Variants in PPP1R12C observed in about 807,000 individuals in gnomAD.
PPP1R12C encodes the protein leukocyte receptor cluster (LRC) encoded novel gene 3.
In PPP1R12C, 48 loss-of-function variants were observed where a neutral mutation model predicts 95.6. The ratio of observed to expected loss-of-function variants is 0.50; its 90% CI spans 0.40 to 0.64. The LOEUF (loss-of-function observed/expected upper bound fraction) is 0.64. PPP1R12C is among the 30% of genes least tolerant of loss of function. PPP1R12C has a pLI of 0.00. For missense variants in PPP1R12C, 1,057 were observed against 1,083.3 expected (o/e 0.98, Z 0.34); for synonymous variants, 480 against 460.8 (o/e 1.04, Z -0.53).
intron 6 of PPP1R12C, 26 bp downstream of exon 6, chr19:55,098,758 G>T: frequency 1.2e-6 from 2 of 1,612,866 alleles, no homozygotes; most frequent in Non-Finnish European, 1.7e-6. Flanking sequence ...GGAGTCTGGG[G>T]TAAGCCCCTC....
chr19:55,114,465 A>G, intron 1 of PPP1R12C: 1 of 152,760 alleles, frequency 6.5e-6, no homozygotes, highest in Non-Finnish European at 1.5e-5. Flanking sequence ...CTGCCTGGAG[A>G]AGGATGCAGG....
intron 1 of PPP1R12C, chr19:55,113,257 A>C: frequency 1.5e-6 from 1 of 651,804 alleles, no homozygotes; most frequent in Non-Finnish European, 2.3e-6. Flanking sequence ...TCAAGCTCGG[A>C]AACCACCCCA....
Position 55,112,634 on chromosome 19 carries a change from C to A in PPP1R12C, c.452+31G>T, listed in dbSNP as rs1414952340. ...CTGAGGGTCCAGGCCCCCACCCCGA[C>A]CAGGTCCTGCCCGGCCCTCCCTTGC... On this transcript the variant is annotated intron_variant, in intron 2 of 21. Transcript: ENST00000263433. The A allele has an allele frequency of 1.2e-5, 20 of 1,612,588 alleles. 1 individual carries two copies. The highest frequency in any genetic ancestry group is 1.7e-5 in the Admixed American group (1 of 59,966).
chr19:55,108,762 A>G (rs2085065236), intron 3 of PPP1R12C, among the ~76,000 whole-genome samples: 1 of 152,162 alleles, frequency 6.6e-6, no homozygotes, highest in Admixed American at 6.5e-5. Flanking sequence ...GCTAGAGTGC[A>G]GTGGCACGAT....
chr19:55,095,649 C>T, intron 9 of PPP1R12C, 46 bp from the exon 10 acceptor site: 4 of 1,514,180 alleles, frequency 2.6e-6, no homozygotes, highest in Non-Finnish European at 3.5e-6. Context: ...GATCCCTCTT[C>T]TCAGACCTCA....
chr19:55,095,728 AAAGG>A, intron 9 of PPP1R12C, 125 bp from the exon 10 acceptor site: 1 of 1,520,876 alleles, frequency 6.6e-7, no homozygotes, highest in East Asian at 2.3e-5. Flanking sequence ...CACAGCCTAA[AAAGG>A]AAGCCGGTTG....
chr19:55,105,169 G>GA (rs2085024378), intron 3 of PPP1R12C, among the ~76,000 whole-genome samples: 1 of 151,866 alleles, frequency 6.6e-6, no homozygotes, highest in Admixed American at 6.6e-5. Context: ...AGGCTCAAGG[G>GA]ATCCTCCTGC....
intron 20 of PPP1R12C, 24 bp from the exon 21 acceptor site, chr19:55,091,724 GA>G (rs769263575): frequency 1.2e-6 from 2 of 1,613,426 alleles, no homozygotes; most frequent in Non-Finnish European, 1.7e-6. Flanking sequence ...GGAAAGTGCA[GA>G]AACTGAGTGA....
rs767466051 is a variant in PPP1R12C, at chr19:55,091,443, A to G, written c.*29T>C. On this transcript the variant is annotated 3_prime_UTR_variant, in exon 22 of 22. Transcript: ENST00000263433. ...GTGCGTGTGGCAGAAGCAGCTGTAT[A>G]AATACGGGTGCGGGAAAGTCCCTCC... The G allele has an allele frequency of 1.0e-5, 16 of 1,594,530 alleles. No homozygotes were observed. The South Asian group carries it at 1.7e-4, about 17-fold the overall frequency.
In PPP1R12C at chr19:55,092,313, A is replaced by T. The variant is rs780625542; in HGVS notation, c.2069T>A (p.Leu690Gln). ...DGGFRTLYAE[L>Q]RRENERLREA... ...GCGAAGCCGCTCGTTCTCCCTGCGC[A>T]GCTCTGCATACAGCTGGGGGTCAGG... Residue 690 changes from leucine (L) to glutamine (Q), a missense_variant, in exon 19 of 22, where the codon CTG becomes CAG. By Grantham distance (113) the Leu-to-Gln change is moderately radical. Around this residue, in one of 5 missense-constraint regions of PPP1R12C, gnomAD observed 347 missense variants for 307.9 expected, o/e 1.13. Coordinates refer to ENST00000263433, the MANE Select transcript of PPP1R12C (RefSeq NM_017607.4). The T allele has an allele frequency of 1.9e-6, 3 of 1,598,870 alleles. No homozygotes were observed. In the Admixed American group the frequency reaches 5.1e-5, roughly 27 times the overall value.
At position 55,112,791 on chromosome 19, in the gene PPP1R12C, C is replaced by T; in HGVS notation, c.326G>A (p.Cys109Tyr). The T allele has an allele frequency of 6.2e-7, 1 of 1,612,504 alleles. No homozygotes were observed. Among genetic ancestry groups the T allele is most frequent in the Non-Finnish European group, 8.5e-7 (1 of 1,179,916 alleles). ...CACCACCTCCAGGTTCTCATCAATG[C>T]AGGCCTGGGGGTGGGAAACAGCCGT... ...ADGISALHQA[C>Y]IDENLEVVRF... Residue 109 changes from cysteine (C) to tyrosine (Y), a missense_variant, in exon 2 of 22, where the codon TGC (cysteine) becomes TAC (tyrosine). Physicochemically the swap from Cys to Tyr is radical, Grantham distance 194. Transcript: ENST00000263433.
At position 55,091,320 on chromosome 19, in the gene PPP1R12C, G is replaced by T; in HGVS notation, c.*152C>A. 1 of 827,610 alleles carries T rather than the reference G, an allele frequency of 1.2e-6. No individual in the cohort carries two copies. Among genetic ancestry groups the T allele is most frequent in the Non-Finnish European group, 1.9e-6 (1 of 534,354 alleles). The allele number at this position is 827,610 out of a possible 1,614,324, so 51.3% of individuals were successfully genotyped here. The stretch of plus-strand genomic sequence containing the variant: ...TCGGGTGGCCCCCTCGGCTCCTGGG[G>T]ACTCTGCTCCCCTCCCAGTCCGGAG... On this transcript the variant is annotated 3_prime_UTR_variant, in exon 22 of 22. Transcript: ENST00000263433.
intron 4 of PPP1R12C, among the ~76,000 whole-genome samples, chr19:55,102,254 C>T (rs968091073): frequency 4.6e-5 from 7 of 152,226 alleles, no homozygotes; most frequent in African/African-American, 1.7e-4. Flanking sequence ...TGGCTCACGC[C>T]TGTAACCCCA....
chr19:55,105,685 G>A (rs1421378873), intron 3 of PPP1R12C, among the ~76,000 whole-genome samples: 2 of 152,220 alleles, frequency 1.3e-5, no homozygotes, highest in African/African-American at 4.8e-5. Context: ...CATGGCTCAT[G>A]CCTGTAATCC....
chr19:55,117,076 T>TG (rs2085161954), intron 1 of PPP1R12C, 147 bp downstream of exon 1: 2 of 628,448 alleles, frequency 3.2e-6, no homozygotes, highest in Non-Finnish European at 2.2e-6. Context: ...TAAGGGGGAC[T>TG]GGGACGGGGT....
chr19:55,106,913 C>T (rs935099589), intron 3 of PPP1R12C, among the ~76,000 whole-genome samples: 3 of 152,168 alleles, frequency 2.0e-5, no homozygotes, highest in African/African-American at 4.8e-5. Context: ...ACGCACAGGG[C>T]AAGAGGTGCT....
Position 55,092,555 on chromosome 19 carries a change from G to T in PPP1R12C, c.1953-11C>A. On this transcript the variant is annotated splice_polypyrimidine_tract_variant and intron_variant, in intron 17 of 21. Coordinates refer to ENST00000263433, the MANE Select transcript of PPP1R12C (RefSeq NM_017607.4). ...CCGCCCTCCAGGGTGCTGGGGCAGG[G>T]GAGGAGCGCGCGTCAGGGGCCGGCC... is the stretch of plus-strand genomic sequence containing the variant. The T allele has an allele frequency of 6.3e-7, 1 of 1,590,956 alleles. No homozygotes were observed. The highest frequency in any genetic ancestry group is 2.3e-5 in the East Asian group (1 of 43,874).
Position 55,099,040 on chromosome 19 carries a change from G to C in PPP1R12C, c.787C>G (p.Pro263Ala). The C allele has an allele frequency of 6.4e-7, 1 of 1,554,066 alleles. No individual in the cohort carries two copies. The highest frequency in any genetic ancestry group is 8.7e-7 in the Non-Finnish European group (1 of 1,148,902). ...PELRDGDGWTPLHAAAHWGVE... is the reference protein window; with the variant it reads ...PELRDGDGWTALHAAAHWGVE... The stretch of plus-strand genomic sequence containing the variant: ...CCCCAGTGTGCCGCTGCGTGCAGGG[G>C]AGTCCAGCCGTCCCCGTCCCGGAGC... Residue 263 changes from proline to alanine, a missense_variant, in exon 5 of 22, where the codon CCC (proline) becomes GCC (alanine). Around this residue, in one of 5 missense-constraint regions of PPP1R12C, gnomAD observed 282 missense variants for 380.4 expected, o/e 0.74. Coordinates refer to ENST00000263433, the MANE Select transcript of PPP1R12C (RefSeq NM_017607.4).
intron 3 of PPP1R12C, among the ~76,000 whole-genome samples, chr19:55,107,549 G>A (rs2085051334): frequency 6.6e-6 from 1 of 152,176 alleles, no homozygotes; most frequent in African/African-American, 2.4e-5. Flanking sequence ...CATGTCCTTT[G>A]TAGGGACATG....
Sources: gnomAD v4.1 joint callset for allele counts (sites outside exome capture counted in the v4.1 genomes callset) on GRCh38, gnomAD v4.1.1 for gene constraint, gnomAD v4.1.1 regional missense constraint, MANE v1.5 for transcripts, NCBI Gene and HGNC (gene_info 2026-07-23, HGNC 2026-07-21) for gene names.